Variants in PCDHGA3 observed in about 807,000 individuals in gnomAD.
PCDHGA3 encodes the protein protocadherin gamma-A3.
Under a neutral mutation model 58.5 loss-of-function variants are expected in PCDHGA3, and 40 were observed. The ratio of observed to expected loss-of-function variants is 0.68; its 90% CI spans 0.53 to 0.89. PCDHGA3 has a LOEUF of 0.89. Ranked by LOEUF, PCDHGA3 falls within the 40% of genes least tolerant of loss-of-function variation. PCDHGA3 has a pLI of 0.00. For missense variants in PCDHGA3, 1,223 were observed against 1,195.9 expected, an observed-to-expected ratio of 1.02 and a Z score of -0.33; for synonymous variants, 530 against 525.7, an observed-to-expected ratio of 1.01 and a Z score of -0.11.
At chr5:141,414,283 G>T in intron 1 of PCDHGA3, 1 of 1,613,520 alleles carries the variant, frequency 6.2e-7, no homozygotes, top group Non-Finnish European at 8.5e-7. Flanking sequence ...GGGAACAGTC[G>T]TAGCCCTTTT....
chr5:141,385,164 T>C (rs758100484), intron 1 of PCDHGA3: 3 of 1,614,168 alleles, frequency 1.9e-6, no homozygotes, highest in Middle Eastern at 1.6e-4. Flanking sequence ...CCTATTCCCA[T>C]GAGGTCTCCC....
chr5:141,496,737 C>T (rs900394639), intron 2 of PCDHGA3, among the ~76,000 whole-genome samples: 9 of 152,168 alleles, frequency 5.9e-5, no homozygotes, highest in African/African-American at 2.2e-4. Context: ...TTCATTCGTT[C>T]ATTTATTCAA....
At position 141,489,963 on chromosome 5, in the gene PCDHGA3, C is replaced by A. The variant is rs779260164; in HGVS notation, c.2425-4844C>A. On this transcript the variant is annotated intron_variant, in intron 1 of 3. Coordinates refer to ENST00000253812, the MANE Select transcript of PCDHGA3 (RefSeq NM_018916.4). This position sits in a 1 kb window ranked among gnomAD's most constrained non-coding sequence, Gnocchi z 4.5. Reference sequence around the variant, plus strand: ...TGGACATCAATGATAATGCTCCAACCTTCCAATCCTCAGTTCTACGTGTGG... The same window carrying A: ...TGGACATCAATGATAATGCTCCAACATTCCAATCCTCAGTTCTACGTGTGG... The A allele has an allele frequency of 8.1e-6, 13 of 1,614,184 alleles. No homozygotes were observed. In the East Asian group the frequency reaches 2.2e-4, roughly 28 times the overall value.
intron 1 of PCDHGA3, among the ~76,000 whole-genome samples, chr5:141,447,724 A>T (rs2098549653): frequency 6.6e-6 from 1 of 152,126 alleles, no homozygotes. Flanking sequence ...ATTTTCCAAA[A>T]CTCATTGAAC....
In PCDHGA3 at chr5:141,432,126, C is replaced by G. The variant is rs750150518; in HGVS notation, c.2425-62681C>G. 12 of 1,614,026 alleles carry G rather than the reference C, an allele frequency of 7.4e-6. No homozygotes were observed. Among genetic ancestry groups the G allele is most frequent in the South Asian group, 4.4e-5 (4 of 91,062 alleles). On this transcript the variant is annotated intron_variant, in intron 1 of 3. Transcript: ENST00000253812. The surrounding 1 kb of genome is among the most constrained non-coding windows in gnomAD (Gnocchi z 6.0). ...AACCCGCCGGTCTTCCCTCAGGCCT[C>G]CTATTCCGCTTATATCCCAGAGAAC...
intron 1 of PCDHGA3, chr5:141,392,226 A>C (rs1468453380): frequency 1.3e-5 from 2 of 152,228 alleles, no homozygotes; most frequent in Non-Finnish European, 2.9e-5. Flanking sequence ...GTGACAACTG[A>C]AGTTCTTAGT....
intron 1 of PCDHGA3, chr5:141,396,086 G>T (rs2093341467): frequency 6.6e-6 from 1 of 152,152 alleles, no homozygotes; most frequent in Non-Finnish European, 1.5e-5. Flanking sequence ...GATGTGAAGT[G>T]GTGAGAATGT....
Position 141,487,631 on chromosome 5 carries a change from G to T in PCDHGA3, c.2425-7176G>T. Reference sequence around the variant, plus strand: ...TGGGCTAGAGGTGAGACCTTTGCAGGCTCAACAAATGCTTGAGGGTTATTC... The same window carrying T: ...TGGGCTAGAGGTGAGACCTTTGCAGTCTCAACAAATGCTTGAGGGTTATTC... On this transcript the variant is annotated intron_variant, in intron 1 of 3. Transcript: ENST00000253812. The surrounding 1 kb of genome is among the most constrained non-coding windows in gnomAD (Gnocchi z 5.0). The T allele has an allele frequency of 6.2e-7, 1 of 1,614,176 alleles. No individual in the cohort carries two copies. Among genetic ancestry groups the T allele is most frequent in the Non-Finnish European group, 8.5e-7 (1 of 1,180,032 alleles).
Position 141,490,849 on chromosome 5 carries a change from C to A in PCDHGA3, c.2425-3958C>A, listed in dbSNP as rs200640560. The A allele has an allele frequency of 6.2e-7, 1 of 1,613,748 alleles. No individual in the cohort carries two copies. Among genetic ancestry groups the A allele is most frequent in the Non-Finnish European group, 8.5e-7 (1 of 1,179,862 alleles). On this transcript the variant is annotated intron_variant, in intron 1 of 3. Coordinates refer to ENST00000253812, the MANE Select transcript of PCDHGA3 (RefSeq NM_018916.4). This position sits in a 1 kb window ranked among gnomAD's most constrained non-coding sequence, Gnocchi z 5.4. ...GATGCTGCAGATTGTGGTGGGGGTT[C>A]GAGACTCCGGCTCTCCCCCATTGCA...
In PCDHGA3 at chr5:141,477,294, C is replaced by T. The variant is rs753131175; in HGVS notation, c.2425-17513C>T. ...GGGCTGGTGACCTGCGAAGTTCCAC[C>T]GGGTCTCCCTTTCAGCCTTACTTCT... is the stretch of plus-strand genomic sequence containing the variant. On this transcript the variant is annotated intron_variant, in intron 1 of 3. Transcript: ENST00000253812. The surrounding 1 kb of genome is among the most constrained non-coding windows in gnomAD (Gnocchi z 4.9). 4.3e-6 allele frequency: 7 copies of T among 1,614,142 alleles called. No individual in the cohort carries two copies. Among genetic ancestry groups the T allele is most frequent in the East Asian group, 4.5e-5 (2 of 44,872 alleles).
intron 1 of PCDHGA3, chr5:141,441,743 C>T (rs1298220876): frequency 1.4e-5 from 5 of 367,166 alleles, no homozygotes; most frequent in Non-Finnish European, 2.2e-5. Context: ...AGCTCGCGCT[C>T]GGCGTCAACG....
intron 1 of PCDHGA3, chr5:141,415,450 C>T (rs774745130): frequency 1.9e-6 from 3 of 1,614,202 alleles, no homozygotes; most frequent in Non-Finnish European, 2.5e-6. Flanking sequence ...GACCTATTCC[C>T]ACGAGGTCTC....
Position 141,362,628 on chromosome 5 carries a change from C to A in PCDHGA3, c.2424+16171C>A, listed in dbSNP as rs1366089431. ...CTAATTTGGGTAGGAAGTTCCACTG[C>A]GTATTTCTTTGTCTGTGAGTTAGAT... On this transcript the variant is annotated intron_variant, in intron 1 of 3. Transcript: ENST00000253812. 5 of 1,498,628 alleles carry A rather than the reference C, an allele frequency of 3.3e-6. No homozygotes were observed. In the East Asian group the frequency reaches 1.2e-4, roughly 35 times the overall value. 92.8% of individuals were successfully genotyped at this position (1,498,628 alleles called of 1,614,324 possible).
chr5:141,418,864 A>T, intron 1 of PCDHGA3: 1 of 1,614,046 alleles, frequency 6.2e-7, no homozygotes, highest in Non-Finnish European at 8.5e-7. Context: ...AAGTAATTGT[A>T]GAAGTTGTAG....
intron 1 of PCDHGA3, chr5:141,419,377 C>A (rs2096371335): frequency 6.2e-7 from 1 of 1,613,572 alleles, no homozygotes; most frequent in African/African-American, 1.3e-5. Flanking sequence ...CCTACGTGTC[C>A]GTGAGCGCGC....
intron 1 of PCDHGA3, chr5:141,389,731 G>A: frequency 6.2e-7 from 1 of 1,612,688 alleles, no homozygotes; most frequent in Non-Finnish European, 8.5e-7. Flanking sequence ...GGGCTCTTCA[G>A]CCTGGGGCTG....
At chr5:141,509,536 A>T (rs778275338) in intron 3 of PCDHGA3, among the ~76,000 whole-genome samples, 1 of 152,130 alleles carries the variant, frequency 6.6e-6, no homozygotes, top group Non-Finnish European at 1.5e-5. Context: ...AGGATGAAGC[A>T]CCATCTCATT....
Position 141,477,100 on chromosome 5 carries a change from C to T in PCDHGA3, c.2425-17707C>T, listed in dbSNP as rs970613825. Reference sequence around the variant, plus strand: ...TTTACATCCAGGCCAAAGACAAGGGCGCCAATCCCGAAGGAGCACATTGCA... The same window carrying T: ...TTTACATCCAGGCCAAAGACAAGGGTGCCAATCCCGAAGGAGCACATTGCA... On this transcript the variant is annotated intron_variant, in intron 1 of 3. Transcript: ENST00000253812. The surrounding 1 kb of genome is among the most constrained non-coding windows in gnomAD (Gnocchi z 4.9). 1 of 1,614,098 alleles carries T rather than the reference C, an allele frequency of 6.2e-7. No homozygotes were observed. Among genetic ancestry groups the T allele is most frequent in the African/African-American group, 1.3e-5 (1 of 74,932 alleles).
chr5:141,495,810 C>T (rs1003475681), intron 2 of PCDHGA3, among the ~76,000 whole-genome samples: 1 of 152,088 alleles, frequency 6.6e-6, no homozygotes, highest in Non-Finnish European at 1.5e-5. Context: ...CGTTTCCTAG[C>T]GCCTTGTGTT....
Sources: allele counts gnomAD v4.1 joint callset (sites outside exome capture counted in the v4.1 genomes callset), GRCh38; gene constraint gnomAD v4.1.1; non-coding constraint Gnocchi (gnomAD v3.1); transcripts MANE v1.5; gene names NCBI Gene and HGNC (gene_info 2026-07-23, HGNC 2026-07-21).